The following FBXO38 variants were observed in gnomAD, a reference collection of about 807,000 sequenced individuals.
The protein encoded by FBXO38 is F-box protein 38, also known as F-box only protein 38.
A neutral mutation model predicts 131.9 loss-of-function variants in FBXO38; 53 were observed. The observed-to-expected ratio is 0.40, with a 90% CI of 0.32 to 0.51. The LOEUF is 0.51. Ranked by LOEUF, FBXO38 falls within the 20% of genes least tolerant of loss-of-function variation. FBXO38 has a pLI of 0.53. For missense variants in FBXO38, 1,076 were observed against 1,475.6 expected (o/e 0.73, Z 4.44); for synonymous variants, 452 against 505.6 (o/e 0.89, Z 1.42).
At chr5:148,395,048 C>T in intron 2 of FBXO38, 144 bp downstream of exon 2, 1 of 827,306 alleles carries the variant, frequency 1.2e-6, no homozygotes, top group Non-Finnish European at 1.8e-6. Context: ...TCGTCAGTTG[C>T]ACTGGCTACA....
At chr5:148,410,370 C>CT (rs764550503) in intron 8 of FBXO38, 3 of 462,418 alleles carry the variant, frequency 6.5e-6, no homozygotes, top group South Asian at 2.6e-5. Flanking sequence ...CACAGCCTCT[C>CT]TTTTTTTGCC....
At chr5:148,400,184 C>T (rs1752067473) in intron 3 of FBXO38, among the ~76,000 whole-genome samples, 1 of 151,906 alleles carries the variant, frequency 6.6e-6, no homozygotes, top group Non-Finnish European at 1.5e-5. Flanking sequence ...AGGCAAACCA[C>T]GGTTACTTTC....
intron 6 of FBXO38, among the ~76,000 whole-genome samples, chr5:148,405,593 A>C (rs558288627): frequency 1.3e-5 from 2 of 152,072 alleles, no homozygotes; most frequent in Non-Finnish European, 2.9e-5. Context: ...TTGACTATTC[A>C]TTGTTCCCTG....
chr5:148,434,517 T>C (rs2113651331), intron 17 of FBXO38: 1 of 152,334 alleles, frequency 6.6e-6, no homozygotes, highest in East Asian at 1.9e-4. Context: ...TTTCAATCTG[T>C]AAGCCGTGCA....
At chr5:148,419,349 C>G (rs1581265170) in intron 12 of FBXO38, among the ~76,000 whole-genome samples, 1 of 151,886 alleles carries the variant, frequency 6.6e-6, no homozygotes, top group East Asian at 1.9e-4. Context: ...TACACACACA[C>G]ACAACACACA....
At chr5:148,428,636 T>A (rs988230001) in intron 15 of FBXO38, among the ~76,000 whole-genome samples, 1 of 152,240 alleles carries the variant, frequency 6.6e-6, no homozygotes, top group East Asian at 1.9e-4. Context: ...ATTATATCAT[T>A]ACTGCCTGAC....
chr5:148,390,363 A>G (rs879579705), intron 1 of FBXO38, among the ~76,000 whole-genome samples: 5 of 152,164 alleles, frequency 3.3e-5, no homozygotes, highest in African/African-American at 4.8e-5. Flanking sequence ...AGTCCTGTCA[A>G]TCTCCTATAT....
intron 2 of FBXO38, among the ~76,000 whole-genome samples, chr5:148,398,268 G>A (rs891253125): frequency 2.8e-4 from 42 of 152,050 alleles, no homozygotes; most frequent in African/African-American, 9.9e-4. Context: ...GTGTGGAGGG[G>A]TCTTAAGAGA....
rs781312906 is a variant in FBXO38 at position 148,433,470 on chromosome 5, A to G, written c.2700A>G (p.Thr900=). Residue 900 remains threonine, a synonymous_variant, in exon 16 of 22, where the codon ACA becomes ACG. Transcript: ENST00000340253. The part of the protein sequence containing the change: ...KPRHAMKRKR[T]ADKSTSTSDP... ...GTCACGCCATGAAACGGAAGCGGAC[A>G]GCAGATAAATCCACTAGTACAAGTG... The G allele has an allele frequency of 5.0e-6, 8 of 1,613,920 alleles. No homozygotes were observed.
intron 3 of FBXO38, among the ~76,000 whole-genome samples, chr5:148,400,085 T>C (rs912302832): frequency 6.6e-6 from 1 of 151,970 alleles, no homozygotes; most frequent in African/African-American, 2.4e-5. Flanking sequence ...GTAACTCTTA[T>C]CAGCTGGCCA....
intron 15 of FBXO38, among the ~76,000 whole-genome samples, chr5:148,432,493 T>G (rs1754091661): frequency 6.6e-6 from 1 of 152,202 alleles, no homozygotes; most frequent in Admixed American, 6.5e-5. Context: ...GGCAAGTTCT[T>G]GTACCATCCC....
intron 6 of FBXO38, among the ~76,000 whole-genome samples, chr5:148,405,415 A>G (rs1188884891): frequency 6.6e-6 from 1 of 152,046 alleles, no homozygotes; most frequent in Non-Finnish European, 1.5e-5. Flanking sequence ...ATGTGGCCCA[A>G]GGCAATTTTT....
At chr5:148,423,327 A>G (rs993840502) in intron 12 of FBXO38, among the ~76,000 whole-genome samples, 86 of 152,286 alleles carry the variant, frequency 5.6e-4, no homozygotes, top group African/African-American at 1.9e-3. Context: ...CCATTTCCTC[A>G]ACTGCAAAAA....
chr5:148,418,342 A>G (rs1753188092), intron 12 of FBXO38, among the ~76,000 whole-genome samples: 1 of 151,984 alleles, frequency 6.6e-6, no homozygotes, highest in Admixed American at 6.6e-5. Context: ...TTCTCTACAC[A>G]TTTTCACTCA....
intron 6 of FBXO38, among the ~76,000 whole-genome samples, 172 bp from the exon 7 acceptor site, chr5:148,406,085 G>C (rs373890088): frequency 6.6e-6 from 1 of 152,210 alleles, no homozygotes; most frequent in East Asian, 1.9e-4. Flanking sequence ...CTGAGTAAGT[G>C]TATGGTTAAT....
At chr5:148,387,756 A>G (rs1350281183) in intron 1 of FBXO38, among the ~76,000 whole-genome samples, 1 of 140,640 alleles carries the variant, frequency 7.1e-6, no homozygotes, top group Non-Finnish European at 1.5e-5. Flanking sequence ...CAGTCGTACG[A>G]TCTTGGCTCA....
At chr5:148,434,056 T>G (rs1371896767) in intron 17 of FBXO38, 1 of 177,722 alleles carries the variant, frequency 5.6e-6, no homozygotes. Context: ...CTTGGTCATT[T>G]ACTAGCTGTG....
intron 2 of FBXO38, chr5:148,397,815 T>C (rs1758558399): frequency 6.6e-6 from 1 of 152,206 alleles, no homozygotes; most frequent in Non-Finnish European, 1.5e-5. Flanking sequence ...TCTGAGCTAA[T>C]TTCAGCACTT....
chr5:148,436,308 A>G (rs528313062), intron 17 of FBXO38, among the ~76,000 whole-genome samples: 1 of 152,280 alleles, frequency 6.6e-6, no homozygotes, highest in South Asian at 2.1e-4. Flanking sequence ...ACCTCTAGTA[A>G]TGCCTAGTGA....
Sources: allele counts gnomAD v4.1 joint callset (sites outside exome capture counted in the v4.1 genomes callset), GRCh38; gene constraint gnomAD v4.1.1; transcripts MANE v1.5; gene names NCBI Gene and HGNC (gene_info 2026-07-23, HGNC 2026-07-21).